NRG3: variants seen among roughly 807,000 people sequenced by gnomAD.
NRG3 encodes pro-neuregulin-3, membrane-bound isoform.
In NRG3, 31 loss-of-function variants were observed where a neutral mutation model predicts 66.9. That is an observed-to-expected ratio of 0.46 (90% CI 0.35 to 0.63). The LOEUF is 0.63. Ranked by LOEUF, NRG3 falls within the 20% of genes least tolerant of loss-of-function variation. The pLI is 0.00. For missense variants in NRG3, 910 were observed against 878.9 expected (o/e 1.04, Z -0.45); for synonymous variants, 393 against 359.4 (o/e 1.09, Z -1.06).
intron 2 of NRG3, among the ~76,000 whole-genome samples, chr10:82,366,307 C>G (rs1220314859): frequency 6.6e-6 from 1 of 152,110 alleles, no homozygotes; most frequent in Admixed American, 6.5e-5. Context: ...AAGCATATTT[C>G]AAGAATCCCG....
chr10:82,531,514 ATAATC>A (rs1296022923), intron 2 of NRG3, among the ~76,000 whole-genome samples: 1 of 151,852 alleles, frequency 6.6e-6, no homozygotes, highest in Non-Finnish European at 1.5e-5. Flanking sequence ...GAAATATTTT[ATAATC>A]TACCAACATA....
chr10:81,996,110 G>T (rs2060929892), intron 1 of NRG3, among the ~76,000 whole-genome samples: 1 of 152,124 alleles, frequency 6.6e-6, no homozygotes, highest in Non-Finnish European at 1.5e-5. Flanking sequence ...TAACATGATG[G>T]AAATTTTTAA....
chr10:82,208,184 CAGCATAACTAATT>C (rs1301215874), intron 1 of NRG3, among the ~76,000 whole-genome samples: 1 of 152,060 alleles, frequency 6.6e-6, no homozygotes. Flanking sequence ...TGAGGAGAGG[CAGCATAACTAATT>C]AGCATAACTA....
At chr10:81,900,717 C>A (rs1843985680) in intron 1 of NRG3, among the ~76,000 whole-genome samples, 1 of 152,064 alleles carries the variant, frequency 6.6e-6, no homozygotes, top group Non-Finnish European at 1.5e-5. Context: ...ATTTTGCTGT[C>A]CTGAGAGGAA....
At chr10:82,447,286 C>A (rs1373121864) in intron 2 of NRG3, among the ~76,000 whole-genome samples, 1 of 152,122 alleles carries the variant, frequency 6.6e-6, no homozygotes, top group African/African-American at 2.4e-5. Flanking sequence ...GGAGTGCAGG[C>A]AACCAGCAGT....
intron 2 of NRG3, among the ~76,000 whole-genome samples, chr10:82,457,576 C>T (rs1017609344): frequency 6.6e-6 from 1 of 152,140 alleles, no homozygotes; most frequent in Non-Finnish European, 1.5e-5. Flanking sequence ...TCTGTGTCTC[C>T]TGAATCCAGC....
chr10:82,317,552 T>C (rs769248476), intron 1 of NRG3, among the ~76,000 whole-genome samples: 1 of 152,210 alleles, frequency 6.6e-6, no homozygotes, highest in African/African-American at 2.4e-5. Flanking sequence ...TTGTTCTCTT[T>C]CTTACCTCTT....
At chr10:82,262,563 C>G (rs373122496) in intron 1 of NRG3, among the ~76,000 whole-genome samples, 4 of 152,202 alleles carry the variant, frequency 2.6e-5, no homozygotes, top group Non-Finnish European at 5.9e-5. Flanking sequence ...AGCCTTAGTA[C>G]TGCTCTGTTC....
chr10:82,786,891 A>G (rs1376523694), intron 3 of NRG3, among the ~76,000 whole-genome samples: 1 of 152,080 alleles, frequency 6.6e-6, no homozygotes, highest in Non-Finnish European at 1.5e-5. Flanking sequence ...TCTGTCTCTC[A>G]TGTTTGTGCT....
intron 3 of NRG3, among the ~76,000 whole-genome samples, chr10:82,772,641 C>T (rs1052528554): frequency 1.7e-4 from 25 of 150,324 alleles, no homozygotes; most frequent in African/African-American, 5.9e-4. Flanking sequence ...TCATCCATGT[C>T]GTAACAAATG....
At chr10:82,538,886 T>C (rs2043344846) in intron 2 of NRG3, among the ~76,000 whole-genome samples, 1 of 152,160 alleles carries the variant, frequency 6.6e-6, no homozygotes, top group Middle Eastern at 3.4e-3. Flanking sequence ...TCACCAAACA[T>C]TGAAGTTTGG....
chr10:82,637,722 T>C (rs1224841159), intron 2 of NRG3, among the ~76,000 whole-genome samples: 1 of 152,108 alleles, frequency 6.6e-6, no homozygotes, highest in Non-Finnish European at 1.5e-5. Context: ...ATAAATACAA[T>C]ATGACAGCTA....
At chr10:82,879,574 GC>G (rs1431408414) in intron 4 of NRG3, among the ~76,000 whole-genome samples, 1 of 147,340 alleles carries the variant, frequency 6.8e-6, no homozygotes, top group Non-Finnish European at 1.5e-5. Context: ...CCGGCTTCAC[GC>G]CATTCTCCTG....
At chr10:82,463,896 G>A (rs2091638554) in intron 2 of NRG3, among the ~76,000 whole-genome samples, 1 of 152,248 alleles carries the variant, frequency 6.6e-6, no homozygotes, top group South Asian at 2.1e-4. Flanking sequence ...GACACTGAGA[G>A]TGGCAGTTGC....
intron 2 of NRG3, among the ~76,000 whole-genome samples, chr10:82,415,550 T>G (rs1418846421): frequency 6.6e-6 from 1 of 152,140 alleles, no homozygotes; most frequent in South Asian, 2.1e-4. Flanking sequence ...AAAAATAATT[T>G]TGATTTTGAT....
intron 2 of NRG3, among the ~76,000 whole-genome samples, chr10:82,414,098 G>A (rs921344813): frequency 1.3e-5 from 2 of 152,094 alleles, no homozygotes; most frequent in Non-Finnish European, 2.9e-5. Flanking sequence ...TTTAGCACAA[G>A]GAGCCTGGAT....
At chr10:82,518,156 A>G (rs115832043) in intron 2 of NRG3, among the ~76,000 whole-genome samples, 1 of 152,200 alleles carries the variant, frequency 6.6e-6, no homozygotes, top group Non-Finnish European at 1.5e-5. Flanking sequence ...GAGGAGATAA[A>G]GTACCTAAAA....
intron 1 of NRG3, among the ~76,000 whole-genome samples, chr10:81,933,121 A>G (rs976535003): frequency 2.0e-4 from 31 of 151,730 alleles, no homozygotes; most frequent in Non-Finnish European, 4.3e-4. Flanking sequence ...AAAAAAAAAA[A>G]AAAAGAAAAG....
At chr10:82,747,695 A>C (rs2058702833) in intron 3 of NRG3, among the ~76,000 whole-genome samples, 1 of 151,970 alleles carries the variant, frequency 6.6e-6, no homozygotes, top group Non-Finnish European at 1.5e-5. Flanking sequence ...AATCTTATTT[A>C]AAAGAGTTTG....
Sources: allele counts gnomAD v4.1 joint callset (sites outside exome capture counted in the v4.1 genomes callset), GRCh38; gene constraint gnomAD v4.1.1; transcripts MANE v1.5; gene names NCBI Gene and HGNC (gene_info 2026-07-23, HGNC 2026-07-21).